RPTOR: variants seen among roughly 807,000 people sequenced by gnomAD.
RPTOR encodes regulatory-associated protein of mTOR.
RPTOR carries 21 observed loss-of-function variants against 169.9 expected under a neutral mutation model. That is an observed-to-expected ratio of 0.12 (90% confidence interval 0.09 to 0.18). The LOEUF (loss-of-function observed/expected upper bound fraction) is 0.18, where lower values mean the gene tolerates loss of function less well. Among genes scored for constraint, RPTOR ranks in the 10% least tolerant of loss-of-function variants. The probability of loss-of-function intolerance (pLI) is 1.00; values close to 1 mark genes in which losing one functional copy is unlikely to be tolerated. For synonymous variants in RPTOR, 732 were observed against 753.2 expected, an observed-to-expected ratio of 0.97 and a Z score of 0.46; for missense variants, 1,133 against 1,855.9, an observed-to-expected ratio of 0.61 and a Z score of 7.16.
intron 20 of RPTOR, among the ~76,000 whole-genome samples, chr17:80,896,551 CG>C (rs1759982385): frequency 6.9e-5 from 1 of 14,548 alleles, no homozygotes; most frequent in East Asian, 2.2e-3. Context: ...ACGGCCGCGC[CG>C]ACACCCCACA....
chr17:80,809,608 G>C (rs2067253015), intron 7 of RPTOR, among the ~76,000 whole-genome samples: 1 of 152,218 alleles, frequency 6.6e-6, no homozygotes, highest in Non-Finnish European at 1.5e-5. Flanking sequence ...TAATAAAATG[G>C]ATGTTCAAGT....
At chr17:80,839,518 A>G (rs965027844) in intron 10 of RPTOR, among the ~76,000 whole-genome samples, 1 of 151,970 alleles carries the variant, frequency 6.6e-6, no homozygotes, top group Non-Finnish European at 1.5e-5. Context: ...TGGCATCAAC[A>G]CTGGGCTTCT....
intron 1 of RPTOR, among the ~76,000 whole-genome samples, chr17:80,592,919 C>CT (rs1599584094): frequency 6.6e-6 from 1 of 152,202 alleles, no homozygotes; most frequent in East Asian, 1.9e-4. Flanking sequence ...CTGTCGGAGT[C>CT]TTAGTGGCTC....
At chr17:80,665,232 TGGCGAGGAGGGAGGGAGG>T (rs2065754476) in intron 3 of RPTOR, among the ~76,000 whole-genome samples, 1 of 152,128 alleles carries the variant, frequency 6.6e-6, no homozygotes, top group Admixed American at 6.5e-5. Flanking sequence ...CTGAGTTTCC[TGGCGAGGAGGGAGGGAGG>T]CATGGGAGCC....
chr17:80,907,173 C>T (rs2068554320), intron 20 of RPTOR, among the ~76,000 whole-genome samples: 1 of 152,272 alleles, frequency 6.6e-6, no homozygotes, highest in Non-Finnish European at 1.5e-5. Flanking sequence ...GATGCTTCAG[C>T]TCTTTCACCA....
At chr17:80,753,920 C>T in intron 5 of RPTOR, 90 bp from the exon 6 acceptor site, 1 of 1,206,942 alleles carries the variant, frequency 8.3e-7, no homozygotes, top group Non-Finnish European at 1.2e-6. Context: ...TTGATTTATT[C>T]TTTCCTTCTG....
rs117259547 is a variant in RPTOR at position 80,847,019 on chromosome 17, G to A, written c.1314+445G>A. Among the ~76,000 whole-genome samples, 968 of 152,380 alleles carry A rather than the reference G, an allele frequency of 6.4e-3. 5 individuals are homozygous for A. Among genetic ancestry groups the A allele is most frequent in the Non-Finnish European group, 0.01 (713 of 68,034 alleles). The stretch of plus-strand genomic sequence containing the variant: ...AAGGACAGGAGATGGCAGTGAATCC[G>A]GGAGAGGAGGGAGGAGGCTCCCTGA... On this transcript the variant is annotated intron_variant, in intron 11 of 33. Transcript: ENST00000306801.
intron 5 of RPTOR, among the ~76,000 whole-genome samples, chr17:80,742,535 C>A (rs898934990): frequency 6.6e-6 from 1 of 151,860 alleles, no homozygotes; most frequent in African/African-American, 2.4e-5. Flanking sequence ...CACACATGTA[C>A]ACGTATACTC....
chr17:80,654,390 C>G (rs557832512), intron 3 of RPTOR, among the ~76,000 whole-genome samples: 2 of 152,232 alleles, frequency 1.3e-5, no homozygotes, highest in African/African-American at 4.8e-5. Context: ...CGGCCCAGCA[C>G]GTGGAAGACG....
rs141085871 is a variant in RPTOR at position 80,788,243 on chromosome 17, T to G, written c.831-3207T>G. ...ATCCCAGCACTTTGGGAGGCTGAGG[T>G]GGGTGGATCACCTGAGTTCAGGAGT... On this transcript the variant is annotated intron_variant, in intron 6 of 33. Coordinates refer to ENST00000306801, the MANE Select transcript of RPTOR (RefSeq NM_020761.3). Among the ~76,000 whole-genome samples the G allele has an allele frequency of 3.3e-5, 5 of 152,208 alleles. No individual in the cohort carries two copies. In the South Asian group the frequency reaches 1.0e-3, roughly 32 times the overall value.
chr17:80,814,274 G>T (rs1435540892), intron 7 of RPTOR, among the ~76,000 whole-genome samples: 1 of 152,124 alleles, frequency 6.6e-6, no homozygotes, highest in Non-Finnish European at 1.5e-5. Flanking sequence ...TGTTTTCCGT[G>T]TAGATTATTA....
chr17:80,547,759 G>C (rs1425848048), intron 1 of RPTOR, among the ~76,000 whole-genome samples: 4 of 152,134 alleles, frequency 2.6e-5, no homozygotes, highest in African/African-American at 9.7e-5. Context: ...ATATTGAGTG[G>C]GGATGGTAGC....
chr17:80,679,209 G>A (rs1169547499), intron 3 of RPTOR, among the ~76,000 whole-genome samples: 1 of 152,204 alleles, frequency 6.6e-6, no homozygotes, highest in African/African-American at 2.4e-5. Context: ...CCCCAGAGGT[G>A]GAGGTTGCAG....
At chr17:80,658,202 A>C (rs1035183973) in intron 3 of RPTOR, among the ~76,000 whole-genome samples, 15 of 152,082 alleles carry the variant, frequency 9.9e-5, no homozygotes, top group African/African-American at 3.6e-4. Context: ...GCTTCTTTAC[A>C]CTTATTAATG....
intron 1 of RPTOR, among the ~76,000 whole-genome samples, chr17:80,611,255 GTTATTA>G (rs556846624): frequency 4.6e-5 from 7 of 150,798 alleles, no homozygotes; most frequent in Admixed American, 2.0e-4. Flanking sequence ...AGTAGCACAT[GTTATTA>G]TTATTATTAT....
chr17:80,599,289 ACACT>A (rs2065168703), intron 1 of RPTOR, among the ~76,000 whole-genome samples: 2 of 152,074 alleles, frequency 1.3e-5, no homozygotes, highest in Admixed American at 1.3e-4. Context: ...CCCCCAGAAG[ACACT>A]CACCCCCAGA....
rs536274657 is a variant in RPTOR at position 80,862,655 on chromosome 17, G to A, written c.1509+4755G>A. 8.2e-5 allele frequency among the ~76,000 whole-genome samples: 12 copies of A among 147,162 alleles called. No individual in the cohort carries two copies. In the East Asian group the frequency reaches 1.7e-3, roughly 21 times the overall value. ...CTCCTCGTGTTGCTGGTGGTCCTCC[G>A]GGGCTCCGCCCACCATGATGTCTGC... On this transcript the variant is annotated intron_variant, in intron 13 of 33. Transcript: ENST00000306801.
chr17:80,927,659 T>C (rs959939882), intron 24 of RPTOR, among the ~76,000 whole-genome samples: 3 of 150,628 alleles, frequency 2.0e-5, no homozygotes, highest in African/African-American at 7.3e-5. Context: ...TGTATCCCTG[T>C]GTCTGTCTGT....
intron 3 of RPTOR, among the ~76,000 whole-genome samples, chr17:80,679,880 C>T (rs527318814): frequency 1.8e-4 from 27 of 151,024 alleles, no homozygotes; most frequent in Admixed American, 1.7e-3. Context: ...TTAACAATTC[C>T]ACTCCCAGGC....
Sources: allele counts gnomAD v4.1 joint callset (sites outside exome capture counted in the v4.1 genomes callset), GRCh38; gene constraint gnomAD v4.1.1; transcripts MANE v1.5; gene names NCBI Gene and HGNC (gene_info 2026-07-23, HGNC 2026-07-21).